GSN: variants seen among roughly 807,000 people sequenced by gnomAD.
GSN encodes actin-depolymerizing factor.
Under a neutral mutation model 85.7 loss-of-function variants are expected in GSN, and 56 were observed. That is an observed-to-expected ratio of 0.65 (90% CI 0.53 to 0.82). The LOEUF (loss-of-function observed/expected upper bound fraction) is 0.82, where lower values mean the gene tolerates loss of function less well. Ranked by LOEUF, GSN falls within the 40% of genes least tolerant of loss-of-function variation. The probability of loss-of-function intolerance (pLI) is 0.00; values close to 1 mark genes in which losing one functional copy is unlikely to be tolerated. For missense variants in GSN, 857 were observed against 979.8 expected (o/e 0.87, Z 1.67); for synonymous variants, 373 against 399.1 (o/e 0.93, Z 0.78).
chr9:121,324,636 C>T lies in GSN; in HGVS notation c.1408C>T (p.Pro470Ser). The change falls in exon 12 of 18, where the codon CCT becomes TCT. Residue 470 changes from proline to serine, a missense_variant. By Grantham distance (74) the Pro-to-Ser change is moderately conservative. Coordinates refer to ENST00000432226, the MANE Select transcript of GSN (RefSeq NM_198252.3). ...GCTGGATGAGGAGCTGGGAGGTACCCCTGTCCAGGTGAGCCCAGCCCACCG... is the reference window on the plus strand; with the variant it reads ...GCTGGATGAGGAGCTGGGAGGTACCTCTGTCCAGGTGAGCCCAGCCCACCG... ...AQLDEELGGT[P>S]VQSRVVQGKE... 1 of 1,524,412 alleles carries T rather than the reference C, an allele frequency of 6.6e-7. No homozygotes were observed. The highest frequency in any genetic ancestry group is 8.9e-7 in the Non-Finnish European group (1 of 1,125,090). 94.4% of individuals were successfully genotyped at this position (1,524,412 alleles called of 1,614,324 possible).
rs1380210058 is a variant in GSN at position 121,299,165 on chromosome 9, AAAAC to A, written c.-9-2792_-9-2789del. On this transcript the variant is annotated intron_variant, in intron 2 of 17. Coordinates refer to ENST00000432226, the MANE Select transcript of GSN (RefSeq NM_198252.3). This position sits in a 1 kb window ranked among gnomAD's most constrained non-coding sequence, Gnocchi z 4.2. ...GTTTTGATCAAAATAAGACTTTTAAAAAACAAACACTTTTTAAAAAGAAGGAAAG... is the reference window on the plus strand; with the variant it reads ...GTTTTGATCAAAATAAGACTTTTAAAAAACACTTTTTAAAAAGAAGGAAAG... 3 of 258,808 alleles carry A rather than the reference AAAAC, an allele frequency of 1.2e-5. No individual in the cohort carries two copies. Among genetic ancestry groups the A allele is most frequent in the African/African-American group, 2.3e-5 (1 of 43,468 alleles). The allele number at this position is 258,808 out of a possible 1,614,324, so 16.0% of individuals were successfully genotyped here.
At chr9:121,325,585 G>A (rs901588267) in intron 12 of GSN, among the ~76,000 whole-genome samples, 1 of 152,148 alleles carries the variant, frequency 6.6e-6, no homozygotes. Flanking sequence ...CTGGCCAGGC[G>A]CTGGAGGGCA....
intron 3 of GSN, 137 bp from the exon 4 acceptor site, chr9:121,302,774 G>T: frequency 1.2e-6 from 1 of 812,456 alleles, no homozygotes. Context: ...ATTAACTGAG[G>T]CTCACAGAAG....
At chr9:121,221,278 T>TA (rs1303860156) in intron 4 of GSN, among the ~76,000 whole-genome samples, 1 of 151,862 alleles carries the variant, frequency 6.6e-6, no homozygotes. Flanking sequence ...CTTCCCAAAA[T>TA]AAAAAAAAGA....
intron 2 of GSN, among the ~76,000 whole-genome samples, chr9:121,290,322 C>T (rs182729559): frequency 5.9e-5 from 9 of 152,252 alleles, no homozygotes; most frequent in Non-Finnish European, 2.9e-5. Context: ...TTAAATCTTC[C>T]GGCTGGCTAT....
chr9:121,299,407 T>TC lies in GSN; in HGVS notation c.-9-2550dup. 2.0e-6 allele frequency: 2 copies of TC among 978,078 alleles called. No homozygotes were observed. Among genetic ancestry groups the TC allele is most frequent in the Non-Finnish European group, 2.4e-6 (2 of 823,342 alleles). 60.6% of individuals were successfully genotyped at this position (978,078 alleles called of 1,614,324 possible). A position where few individuals can be genotyped will look rare whatever the true frequency, so the allele number is the denominator to read the frequency against. On this transcript the variant is annotated intron_variant, in intron 2 of 17. Transcript: ENST00000432226. This position sits in a 1 kb window ranked among gnomAD's most constrained non-coding sequence, Gnocchi z 4.2. ...AAGTTGCTTCACCACTCTGCGCTGT[T>TC]CCCCCCTCTGTAAAATGGGTTGGCC...
chr9:121,223,730 G>A (rs1268964060), intron 4 of GSN, among the ~76,000 whole-genome samples: 2 of 152,102 alleles, frequency 1.3e-5, no homozygotes, highest in Non-Finnish European at 2.9e-5. Flanking sequence ...CACAATCTCA[G>A]CTCGCTGCAA....
Position 121,318,512 on chromosome 9 carries a change from G to C in GSN, c.975+18G>C. The C allele has an allele frequency of 3.1e-6, 5 of 1,594,732 alleles. No individual in the cohort carries two copies. Among genetic ancestry groups the C allele is most frequent in the Non-Finnish European group, 4.3e-6 (5 of 1,162,338 alleles). On this transcript the variant is annotated intron_variant, in intron 9 of 17. Transcript: ENST00000432226. This position sits in a 1 kb window ranked among gnomAD's most constrained non-coding sequence, Gnocchi z 4.3. ...AGACTCAGGTGAGTCTTGGAGGCCA[G>C]GTAGGATGGGAAGGGGTGGGTCCTG...
intron 5 of GSN, among the ~76,000 whole-genome samples, chr9:121,244,169 C>T (rs776088081): frequency 3.9e-5 from 6 of 152,186 alleles, no homozygotes; most frequent in Non-Finnish European, 7.3e-5. Flanking sequence ...TGTAGTGGGT[C>T]AGAAGTTTGT....
intron 4 of GSN, among the ~76,000 whole-genome samples, chr9:121,224,936 A>G (rs908762744): frequency 3.3e-5 from 5 of 152,062 alleles, no homozygotes; most frequent in Non-Finnish European, 5.9e-5. Context: ...CTCCTATCTG[A>G]GCCTCCAGAG....
At chr9:121,202,337 C>G in the GSN span, among the ~76,000 whole-genome samples, 2 of 152,232 alleles carry the variant, frequency 1.3e-5, no homozygotes, top group Non-Finnish European at 2.9e-5. Flanking sequence ...GTATATACCG[C>G]TGTATGCTTC....
chr9:121,313,310 A>G (rs2061375866), intron 6 of GSN: 1 of 163,098 alleles, frequency 6.1e-6, no homozygotes, highest in Admixed American at 5.6e-5. Context: ...GAAGACCATG[A>G]GCTCTGCTCC....
chr9:121,246,057 T>A (rs1440458373), intron 5 of GSN, among the ~76,000 whole-genome samples: 1 of 152,244 alleles, frequency 6.6e-6, no homozygotes, highest in Non-Finnish European at 1.5e-5. Flanking sequence ...TTTAGAGATA[T>A]ATTCTGAAAT....
At chr9:121,206,184 A>G (rs747228756), upstream of GSN, among the ~76,000 whole-genome samples, 10 of 152,238 alleles carry the variant, frequency 6.6e-5, no homozygotes, top group Non-Finnish European at 1.5e-4. Context: ...ATTTTAATGT[A>G]GTTGATTAAC....
intron 6 of GSN, among the ~76,000 whole-genome samples, chr9:121,251,187 C>CTTGTTTTTTTTTTTTTTTTTTTTT (rs2054825141): frequency 1.4e-5 from 1 of 73,044 alleles, no homozygotes; most frequent in African/African-American, 6.5e-5. Context: ...CTGATGTGTT[C>CTTGTTTTTTTTTTTTTTTTTTTTT]TTTTTTTTTT....
At chr9:121,326,723 C>A in intron 13 of GSN, 41 bp downstream of exon 13, 2 of 1,522,918 alleles carry the variant, frequency 1.3e-6, no homozygotes, top group South Asian at 1.1e-5. Context: ...ATTGGCCTCC[C>A]TGAAACCTCC....
intron 5 of GSN, chr9:121,239,422 A>G (rs985431186): frequency 7.1e-6 from 3 of 420,922 alleles, no homozygotes; most frequent in East Asian, 6.2e-5. Context: ...GGCAGTTTCC[A>G]TGTTTACATC....
chr9:121,272,071 G>A (rs935590053), intron 1 of GSN, among the ~76,000 whole-genome samples: 9 of 152,226 alleles, frequency 5.9e-5, no homozygotes, highest in South Asian at 2.1e-4. Flanking sequence ...TTAGGCAGCC[G>A]GGGGATGTTA....
intron 1 of GSN, among the ~76,000 whole-genome samples, chr9:121,276,531 T>C (rs982560215): frequency 2.0e-5 from 3 of 152,308 alleles, no homozygotes; most frequent in African/African-American, 7.2e-5. Flanking sequence ...ACCCTTGGCA[T>C]AGCGCACCCC....
Sources: allele counts gnomAD v4.1 joint callset (sites outside exome capture counted in the v4.1 genomes callset), GRCh38; gene constraint gnomAD v4.1.1; non-coding constraint Gnocchi (gnomAD v3.1); transcripts MANE v1.5; gene names NCBI Gene and HGNC (gene_info 2026-07-23, HGNC 2026-07-21).